Variants in STRN observed in about 807,000 individuals in gnomAD.
STRN encodes the protein protein phosphatase 2 regulatory subunit B'''alpha.
Under a neutral mutation model 96.3 loss-of-function variants are expected in STRN, and 53 were observed. The observed-to-expected ratio is 0.55, with a 90% CI of 0.44 to 0.69. STRN has a LOEUF of 0.69. Among genes scored for constraint, STRN ranks in the 30% least tolerant of loss-of-function variants. STRN has a pLI of 0.00. For missense variants in STRN, 987 were observed against 963.9 expected (o/e 1.02, Z -0.32); for synonymous variants, 428 against 355.9 (o/e 1.20, Z -2.28).
chr2:36,882,916 T>C (rs1006697473), intron 9 of STRN, among the ~76,000 whole-genome samples: 1 of 152,154 alleles, frequency 6.6e-6, no homozygotes, highest in Non-Finnish European at 1.5e-5. Context: ...TATAAACAGA[T>C]AAATCAGACC....
chr2:36,867,809 C>T lies in STRN; in HGVS notation c.1547+5G>A. 6.4e-7 allele frequency: 1 copy of T among 1,552,484 alleles called. No homozygotes were observed. The highest frequency in any genetic ancestry group is 8.7e-7 in the Non-Finnish European group (1 of 1,148,608). On this transcript the variant is annotated splice_donor_5th_base_variant and intron_variant, in intron 12 of 17. Transcript: ENST00000263918. ...GTTTAAAATAAAGAAAAAACATATA[C>T]TTACTTATGGGCTCTGAATGTATAG...
chr2:36,953,129 C>T (rs1440638459), intron 1 of STRN, among the ~76,000 whole-genome samples: 1 of 152,174 alleles, frequency 6.6e-6, no homozygotes, highest in Non-Finnish European at 1.5e-5. Flanking sequence ...AACATTCCCC[C>T]GGCCCTTTCC....
intron 13 of STRN, among the ~76,000 whole-genome samples, chr2:36,858,973 G>A (rs1439466384): frequency 6.6e-6 from 1 of 152,088 alleles, no homozygotes; most frequent in Non-Finnish European, 1.5e-5. Context: ...AAGAAGAGGG[G>A]GAGAACATGA....
chr2:36,899,794 A>T lies in STRN; in HGVS notation c.660-136T>A. On this transcript the variant is annotated intron_variant, in intron 5 of 17. Transcript: ENST00000263918. ...AATCACATTATCTACATTGATTCTT[A>T]TCAATTACACTCTCACAAATTTAAA... The T allele has an allele frequency of 4.9e-6, 4 of 813,912 alleles. No homozygotes were observed. The South Asian group carries it at 6.8e-5, about 14-fold the overall frequency. 50.4% of individuals were successfully genotyped at this position (813,912 alleles called of 1,614,324 possible).
intron 13 of STRN, among the ~76,000 whole-genome samples, chr2:36,859,568 G>A (rs1446938629): frequency 6.6e-6 from 1 of 152,198 alleles, no homozygotes; most frequent in East Asian, 1.9e-4. Context: ...AATTCCTGTA[G>A]TCAATCTGAA....
rs1301991915 is a variant in STRN at position 36,886,722 on chromosome 2, C to T, written c.1036G>A (p.Val346Met). 5.0e-6 allele frequency: 8 copies of T among 1,607,432 alleles called. No individual in the cohort carries two copies. The highest frequency in any genetic ancestry group is 1.3e-5 in the African/African-American group (1 of 74,508). ...YKKERKGKKGVKRPNRSKLQD... is the reference protein window; with the variant it reads ...YKKERKGKKGMKRPNRSKLQD... ...TACAATGTTTTCCACTTACTCTTCA[C>T]CCCCTTTTTCCCCTTTCTCTCCTTT... is the stretch of plus-strand genomic sequence containing the variant. Residue 346 changes from valine (V) to methionine (M), a missense_variant, in exon 8 of 18, where the codon GTG becomes ATG. Physicochemically the swap from Val to Met is conservative, Grantham distance 21. Transcript: ENST00000263918.
rs1488594824 is a variant in STRN at position 36,877,535 on chromosome 2, T to C, written c.1323+356A>G. 2.0e-5 allele frequency among the ~76,000 whole-genome samples: 3 copies of C among 152,354 alleles called. No homozygotes were observed. The East Asian group carries it at 5.8e-4, about 29-fold the overall frequency. On this transcript the variant is annotated intron_variant, in intron 10 of 17. Transcript: ENST00000263918. ...TTCATTTTCTATAAAATCAACTTTT[T>C]ATTTTATTTTACTTTTTTGAGACGG...
chr2:36,958,372 T>G (rs1664946027), intron 1 of STRN, among the ~76,000 whole-genome samples: 1 of 152,130 alleles, frequency 6.6e-6, no homozygotes, highest in Non-Finnish European at 1.5e-5. Flanking sequence ...AGACACTAAC[T>G]AAAAAATAAC....
Position 36,842,535 on chromosome 2 carries a change from A to C in STRN, c.*6921T>G, listed in dbSNP as rs1362153714. ...AAGGTGAATGGCTAAATCACCAAGG[A>C]CAAGATACTTTTCTATGAAATAGGT... On this transcript the variant is annotated 3_prime_UTR_variant, in exon 18 of 18. Transcript: ENST00000263918. 1 of 152,186 alleles carries C rather than the reference A, an allele frequency of 6.6e-6. No individual in the cohort carries two copies. Among genetic ancestry groups the C allele is most frequent in the East Asian group, 1.9e-4 (1 of 5,198 alleles). The allele number at this position is 152,186 out of a possible 1,614,324, so 9.4% of individuals were successfully genotyped here. A position where few individuals can be genotyped will look rare whatever the true frequency, so the allele number is the denominator to read the frequency against.
rs141609093 is a variant in STRN at position 36,897,683 on chromosome 2, C to T, written c.795+1840G>A. Among the ~76,000 whole-genome samples, 1,085 of 151,880 alleles carry T rather than the reference C, an allele frequency of 7.1e-3. 17 individuals carry two copies. The highest frequency in any genetic ancestry group is 0.025 in the African/African-American group (1,038 of 41,402). On this transcript the variant is annotated intron_variant, in intron 6 of 17. Transcript: ENST00000263918. The stretch of plus-strand genomic sequence containing the variant: ...TGATCTCCTGACCTAGTGATCCATC[C>T]GTCTCGGCCTCCCAAAGTGCTGGGA...
intron 1 of STRN, among the ~76,000 whole-genome samples, chr2:36,937,690 A>G (rs1021569897): frequency 4.1e-5 from 6 of 145,286 alleles, no homozygotes; most frequent in African/African-American, 1.3e-4. Flanking sequence ...GAAAGAAAAG[A>G]AAAAAAAAAA....
At chr2:36,901,776 G>A (rs956309822) in intron 5 of STRN, among the ~76,000 whole-genome samples, 13 of 152,050 alleles carry the variant, frequency 8.5e-5, no homozygotes, top group Non-Finnish European at 1.9e-4. Context: ...AGGCTCCAAG[G>A]AACTTTGCTT....
intron 13 of STRN, among the ~76,000 whole-genome samples, chr2:36,860,584 T>C (rs1398556702): frequency 1.3e-5 from 2 of 152,232 alleles, no homozygotes; most frequent in Non-Finnish European, 2.9e-5. Flanking sequence ...TTTTTACAAA[T>C]GAATCTGTGG....
rs1028787619 is a variant in STRN at position 36,845,686 on chromosome 2, G to C, written c.*3770C>G. Reference sequence around the variant, plus strand: ...GAACAAATAATTTCTCCTTCTACCTGAACTTTACTATAATTAAAGAATAGC... The same window carrying C: ...GAACAAATAATTTCTCCTTCTACCTCAACTTTACTATAATTAAAGAATAGC... On this transcript the variant is annotated 3_prime_UTR_variant, in exon 18 of 18. Transcript: ENST00000263918. 7 of 151,934 alleles carry C rather than the reference G, an allele frequency of 4.6e-5. No homozygotes were observed. The highest frequency in any genetic ancestry group is 1.7e-4 in the African/African-American group (7 of 41,338). The allele number at this position is 151,934 out of a possible 1,614,324, so 9.4% of individuals were successfully genotyped here. A position where few individuals can be genotyped will look rare whatever the true frequency, so the allele number is the denominator to read the frequency against.
intron 5 of STRN, among the ~76,000 whole-genome samples, chr2:36,899,990 G>T (rs949555722): frequency 6.6e-6 from 1 of 152,084 alleles, no homozygotes; most frequent in Non-Finnish European, 1.5e-5. Flanking sequence ...CCAGGTTCAT[G>T]CAATTCTCCA....
intron 3 of STRN, among the ~76,000 whole-genome samples, chr2:36,905,906 T>C (rs756637928): frequency 6.6e-6 from 1 of 152,152 alleles, no homozygotes; most frequent in African/African-American, 2.4e-5. Flanking sequence ...CAAAGACTTA[T>C]CCCATCAAGT....
At chr2:36,868,706 T>C (rs530708023) in intron 11 of STRN, among the ~76,000 whole-genome samples, 1 of 152,318 alleles carries the variant, frequency 6.6e-6, no homozygotes, top group Admixed American at 6.5e-5. Context: ...ATCTACCCTA[T>C]GTATGACACA....
At chr2:36,896,933 C>T (rs145926922) in intron 6 of STRN, among the ~76,000 whole-genome samples, 3,759 of 152,130 alleles carry the variant, frequency 0.025, 154 homozygotes, top group African/African-American at 0.086. Flanking sequence ...TTTGGGAGGC[C>T]AAGGCAGGCG....
At chr2:36,916,548 T>G (rs1427636548) in intron 2 of STRN, among the ~76,000 whole-genome samples, 1 of 151,888 alleles carries the variant, frequency 6.6e-6, no homozygotes, top group Non-Finnish European at 1.5e-5. Flanking sequence ...AAGACTTTTC[T>G]CAAAAAATTG....
Sources: gnomAD v4.1 joint callset for allele counts (sites outside exome capture counted in the v4.1 genomes callset) on GRCh38, gnomAD v4.1.1 for gene constraint, MANE v1.5 for transcripts, NCBI Gene and HGNC (gene_info 2026-07-23, HGNC 2026-07-21) for gene names.